NCKAP1: variants seen among roughly 807,000 people sequenced by gnomAD.
NCKAP1 encodes nck-associated protein 1.
Under a neutral mutation model 151.2 loss-of-function variants are expected in NCKAP1, and 21 were observed. The ratio of observed to expected loss-of-function variants is 0.14; its 90% confidence interval spans 0.10 to 0.20. The LOEUF (loss-of-function observed/expected upper bound fraction) is 0.20. Ranked by LOEUF, NCKAP1 falls within the 10% of genes least tolerant of loss-of-function variation. The probability of loss-of-function intolerance (pLI) is 1.00; values close to 1 mark genes in which losing one functional copy is unlikely to be tolerated. For missense variants in NCKAP1, 933 were observed against 1,352.1 expected (o/e 0.69, Z 4.86); for synonymous variants, 484 against 451.8 (o/e 1.07, Z -0.90).
intron 24 of NCKAP1, among the ~76,000 whole-genome samples, chr2:182,937,622 T>C (rs1696904936): frequency 6.6e-6 from 1 of 152,182 alleles, no homozygotes; most frequent in Non-Finnish European, 1.5e-5. Context: ...AAAAGAATTC[T>C]ATTTAAAAAT....
intron 1 of NCKAP1, among the ~76,000 whole-genome samples, chr2:183,029,072 G>A (rs1169801460): frequency 1.3e-5 from 2 of 151,836 alleles, no homozygotes; most frequent in Admixed American, 1.3e-4. Flanking sequence ...AGCCAAGATC[G>A]CGCCACTGCA....
chr2:182,926,701 C>T (rs1049165324), intron 30 of NCKAP1, 115 bp downstream of exon 30: 4 of 626,714 alleles, frequency 6.4e-6, no homozygotes, highest in African/African-American at 3.8e-5. Context: ...GTGTGGCTTA[C>T]GTGAAGTGAA....
Position 182,967,366 on chromosome 2 carries a change from A to G in NCKAP1, c.1483-5T>C, listed in dbSNP as rs1697592454. 1.3e-6 allele frequency: 2 copies of G among 1,587,342 alleles called. No homozygotes were observed. Among genetic ancestry groups the G allele is most frequent in the Non-Finnish European group, 8.5e-7 (1 of 1,171,878 alleles). ...CTTTGAGACACTAGTATATGCCTAT[A>G]AAGTACAAAAAAAAAAAAGTAGTTC... On this transcript the variant is annotated splice_polypyrimidine_tract_variant and splice_region_variant and intron_variant, in intron 15 of 30. Coordinates refer to ENST00000361354, the MANE Select transcript of NCKAP1 (RefSeq NM_013436.5).
chr2:182,986,252 G>A (rs753889445), intron 9 of NCKAP1, 25 bp from the exon 10 acceptor site: 80 of 1,566,348 alleles, frequency 5.1e-5, no homozygotes, highest in Non-Finnish European at 6.3e-5. Context: ...AAATTAGAAC[G>A]TTAGTTTAAT....
intron 10 of NCKAP1, among the ~76,000 whole-genome samples, chr2:182,983,814 C>G (rs867475143): frequency 6.6e-6 from 1 of 152,188 alleles, no homozygotes; most frequent in Non-Finnish European, 1.5e-5. Flanking sequence ...GGGCAGACTG[C>G]GTGAGCTCAG....
At chr2:183,025,683 A>C (rs915004991) in intron 1 of NCKAP1, among the ~76,000 whole-genome samples, 3 of 152,196 alleles carry the variant, frequency 2.0e-5, no homozygotes, top group Non-Finnish European at 2.9e-5. Flanking sequence ...ATTTCTTTAA[A>C]ATATTCTTAA....
At chr2:182,982,974 C>T in intron 11 of NCKAP1, 47 bp from the exon 12 acceptor site, 1 of 1,354,826 alleles carries the variant, frequency 7.4e-7, no homozygotes, top group Middle Eastern at 2.2e-4. Flanking sequence ...AGATTAAAAA[C>T]AAAACTGGTA....
In NCKAP1 at chr2:182,910,955, C is replaced by CCG. The variant is rs1553507033; in HGVS notation, c.*14746_*14747insCG. The CCG allele has an allele frequency of 4.1e-5, 6 of 147,806 alleles. No individual in the cohort carries two copies. The highest frequency in any genetic ancestry group is 7.5e-5 in the Non-Finnish European group (5 of 66,324). The allele number at this position is 147,806 out of a possible 1,614,324, so 9.2% of individuals were successfully genotyped here. A position where few individuals can be genotyped will look rare whatever the true frequency, so the allele number is the denominator to read the frequency against. On this transcript the variant is annotated 3_prime_UTR_variant, in exon 31 of 31. Transcript: ENST00000361354. ...ATAAAAATAAAATCCTAAGCTCCCC[C>CCG]CCCACATTTGACTAAACAGACCCTC...
chr2:182,985,227 T>C (rs545539604), intron 10 of NCKAP1, among the ~76,000 whole-genome samples: 4 of 152,354 alleles, frequency 2.6e-5, no homozygotes, highest in Non-Finnish European at 4.4e-5. Context: ...TGTGGTTTTA[T>C]AGTTTTCGCT....
At chr2:182,971,975 T>C (rs1697706016) in intron 15 of NCKAP1, among the ~76,000 whole-genome samples, 1 of 152,042 alleles carries the variant, frequency 6.6e-6, no homozygotes, top group Non-Finnish European at 1.5e-5. Context: ...AAGAAAACAC[T>C]GGTGAAACAT....
At chr2:183,018,611 A>G (rs1343392016) in intron 2 of NCKAP1, among the ~76,000 whole-genome samples, 3 of 152,182 alleles carry the variant, frequency 2.0e-5, no homozygotes, top group Non-Finnish European at 2.9e-5. Flanking sequence ...GTGACTTTCA[A>G]TAATACCATT....
At chr2:183,008,799 G>C (rs950052901) in intron 2 of NCKAP1, among the ~76,000 whole-genome samples, 15 of 152,092 alleles carry the variant, frequency 9.9e-5, no homozygotes, top group Non-Finnish European at 1.8e-4. Context: ...CCAAAGTTGG[G>C]TAAAATACTT....
intron 1 of NCKAP1, among the ~76,000 whole-genome samples, chr2:183,027,770 A>G (rs1698926331): frequency 6.6e-6 from 1 of 152,210 alleles, no homozygotes; most frequent in South Asian, 2.1e-4. Flanking sequence ...CAGAAGTTAT[A>G]GTTTATAAAA....
Position 182,984,423 on chromosome 2 carries a change from G to GGGTGTGTGTGTGTGTGTGTGTGTGT in NCKAP1, c.1005-1042_1005-1041insACACACACACACACACACACACACC, listed in dbSNP as rs984252600. Among the ~76,000 whole-genome samples, 286 of 144,392 alleles carry GGGTGTGTGTGTGTGTGTGTGTGTGT rather than the reference G, an allele frequency of 2.0e-3. 1 individual carries two copies. Among genetic ancestry groups the GGGTGTGTGTGTGTGTGTGTGTGTGT allele is most frequent in the Middle Eastern group, 3.6e-3 (1 of 276 alleles). The allele number at this position is 144,392 out of a possible 152,430, so 94.7% of individuals were successfully genotyped here. On this transcript the variant is annotated intron_variant, in intron 10 of 30. Transcript: ENST00000361354. Reference sequence around the variant, plus strand: ...AAGAAAGTTTTAGAATTTAGATTGGGGTGTGTGTGTGTGTGTGTGTGTGTG... The same window carrying GGGTGTGTGTGTGTGTGTGTGTGTGT: ...AAGAAAGTTTTAGAATTTAGATTGGGGGTGTGTGTGTGTGTGTGTGTGTGTGTGTGTGTGTGTGTGTGTGTGTGTG...
Position 183,038,306 on chromosome 2 carries a change from C to G in NCKAP1, c.-207G>C, listed in dbSNP as rs1277405159. On this transcript the variant is annotated 5_prime_UTR_variant, in exon 1 of 31. Transcript: ENST00000361354. ...CTCGGAGCCCCTTCTCCCGCAGCAG[C>G]CCGCGCCCCGGCAGCCTCCTGCCTT... The G allele has an allele frequency of 2.8e-6, 1 of 359,984 alleles. No individual in the cohort carries two copies. Among genetic ancestry groups the G allele is most frequent in the African/African-American group, 2.2e-5 (1 of 46,506 alleles). 22.3% of individuals were successfully genotyped at this position (359,984 alleles called of 1,614,324 possible).
At chr2:182,963,641 T>C (rs1237508844) in intron 17 of NCKAP1, among the ~76,000 whole-genome samples, 1 of 151,956 alleles carries the variant, frequency 6.6e-6, no homozygotes, top group Non-Finnish European at 1.5e-5. Context: ...ACAATAGCAA[T>C]GGAAAGTAGA....
At chr2:182,936,873 G>A (rs1472157311) in intron 24 of NCKAP1, among the ~76,000 whole-genome samples, 2 of 152,010 alleles carry the variant, frequency 1.3e-5, no homozygotes, top group Non-Finnish European at 2.9e-5. Flanking sequence ...AGACTAGGTT[G>A]GGTGGCTGAG....
intron 1 of NCKAP1, 43 bp downstream of exon 1, chr2:183,037,949 G>C (rs751475079): frequency 6.0e-6 from 9 of 1,490,738 alleles, no homozygotes; most frequent in Admixed American, 1.9e-5. Flanking sequence ...CATCCCTCCC[G>C]GGCCCGCCCG....
At position 182,922,348 on chromosome 2, in the gene NCKAP1, A is replaced by C. The variant is rs1696565215; in HGVS notation, c.*3354T>G. 1 of 152,224 alleles carries C rather than the reference A, an allele frequency of 6.6e-6. No homozygotes were observed. The highest frequency in any genetic ancestry group is 1.5e-5 in the Non-Finnish European group (1 of 68,046). The allele number at this position is 152,224 out of a possible 1,614,324, so 9.4% of individuals were successfully genotyped here. A position where few individuals can be genotyped will look rare whatever the true frequency, so the allele number is the denominator to read the frequency against. On this transcript the variant is annotated 3_prime_UTR_variant, in exon 31 of 31. Coordinates refer to ENST00000361354, the MANE Select transcript of NCKAP1 (RefSeq NM_013436.5). ...GAATTCATGTTCATTTCCTTTATTA[A>C]CCAGCCTACATTAGATTTAATTTGT...
Sources: gnomAD v4.1 joint callset for allele counts (sites outside exome capture counted in the v4.1 genomes callset) on GRCh38, gnomAD v4.1.1 for gene constraint, MANE v1.5 for transcripts, NCBI Gene and HGNC (gene_info 2026-07-23, HGNC 2026-07-21) for gene names.